Variants in SLC13A2 observed in about 807,000 individuals in gnomAD.
SLC13A2 encodes Na(+)-coupled citrate transporter.
Under a neutral mutation model 58.5 loss-of-function variants are expected in SLC13A2, and 40 were observed. The ratio of observed to expected loss-of-function variants is 0.68; its 90% CI spans 0.53 to 0.89. The LOEUF (loss-of-function observed/expected upper bound fraction) is 0.89. Ranked by LOEUF, SLC13A2 falls within the 40% of genes least tolerant of loss-of-function variation. The pLI is 0.00. For missense variants in SLC13A2, 694 were observed against 772.6 expected, an observed-to-expected ratio of 0.90 and a Z score of 1.21; for synonymous variants, 341 against 331.6, an observed-to-expected ratio of 1.03 and a Z score of -0.31.
Position 28,493,576 on chromosome 17 carries a change from G to T in SLC13A2, c.884G>T (p.Arg295Leu). The change falls in exon 7 of 12, where the codon CGG (arginine) becomes CTG (leucine). Residue 295 changes from arginine (R) to leucine (L), a missense_variant. Coordinates refer to ENST00000314669, the MANE Select transcript of SLC13A2 (RefSeq NM_003984.4). ...LQILFLGFNF[R>L]KNFGIGEKMQ... The stretch of plus-strand genomic sequence containing the variant: ...CCCCGTCCCTCTGCCTGCAGCTTCC[G>T]GAAGAACTTTGGCATTGGGGAAAAG... 6.2e-7 allele frequency: 1 copy of T among 1,602,212 alleles called. No individual in the cohort carries two copies. The highest frequency in any genetic ancestry group is 8.5e-7 in the Non-Finnish European group (1 of 1,171,222).
rs1370412198 is a variant in SLC13A2, at chr17:28,496,771, C to T, written c.1608+184C>T. 6.6e-6 allele frequency among the ~76,000 whole-genome samples: 1 copy of T among 152,166 alleles called. No individual in the cohort carries two copies. Among genetic ancestry groups the T allele is most frequent in the Non-Finnish European group, 1.5e-5 (1 of 68,024 alleles). ...TCAGTGGTGGCATCTTCAGGCCCTG[C>T]CAGCCCCAGGCTATGTGAGAGGGAG... is the stretch of plus-strand genomic sequence containing the variant. On this transcript the variant is annotated intron_variant, in intron 11 of 11. Transcript: ENST00000314669. The surrounding 1 kb of genome is among the most constrained non-coding windows in gnomAD (Gnocchi z 4.2).
In SLC13A2 at chr17:28,496,957, A is replaced by G. The variant is rs2069156632; in HGVS notation, c.1609-142A>G. 1.2e-6 allele frequency: 1 copy of G among 804,748 alleles called. No individual in the cohort carries two copies. The highest frequency in any genetic ancestry group is 2.0e-6 in the Non-Finnish European group (1 of 499,706). 49.9% of individuals were successfully genotyped at this position (804,748 alleles called of 1,614,324 possible). A position where few individuals can be genotyped will look rare whatever the true frequency, so the allele number is the denominator to read the frequency against. On this transcript the variant is annotated intron_variant, in intron 11 of 11. Coordinates refer to ENST00000314669, the MANE Select transcript of SLC13A2 (RefSeq NM_003984.4). The surrounding 1 kb of genome is among the most constrained non-coding windows in gnomAD (Gnocchi z 4.2). The stretch of plus-strand genomic sequence containing the variant: ...AAAGCAAGGGGCAAAGGCATTGGCT[A>G]TGCTGCAGGTTAGACCAACGGGAGG...
rs1555604548 is a variant in SLC13A2, at chr17:28,495,810, C to T, written c.1464C>T (p.Ala488=). 1 of 1,612,472 alleles carries T rather than the reference C, an allele frequency of 6.2e-7. No homozygotes were observed. Among genetic ancestry groups the T allele is most frequent in the East Asian group, 2.2e-5 (1 of 44,852 alleles). ...CTACGATCTTCCTGCCCATCCTAGC[C>T]TCCATGGTGAGCTGGCCCTCAGAAA... ...ATTTIFLPIL[A]SMAQAICLHP... Residue 488 remains alanine, a synonymous_variant, in exon 10 of 12, where the codon GCC becomes GCT. Transcript: ENST00000314669.
intron 1 of SLC13A2, among the ~76,000 whole-genome samples, chr17:28,477,545 T>C (rs540253721): frequency 1.3e-5 from 2 of 152,242 alleles, no homozygotes; most frequent in African/African-American, 4.8e-5. Context: ...CAGTGGATCC[T>C]GACCTGCATC....
chr17:28,494,034 C>G lies in SLC13A2; in HGVS notation c.1115C>G (p.Thr372Arg), dbSNP rs868925091. 1.9e-6 allele frequency: 3 copies of G among 1,614,064 alleles called. No homozygotes were observed. The highest frequency in any genetic ancestry group is 1.7e-5 in the Admixed American group (1 of 60,020). The change falls in exon 8 of 12, where the codon ACA (threonine) becomes AGA (arginine). Residue 372 changes from threonine to arginine, a missense_variant. Physicochemically the swap from Thr to Arg is moderately conservative, Grantham distance 71 (BLOSUM62 -1). Transcript: ENST00000314669. This position sits in a 1 kb window ranked among gnomAD's most constrained non-coding sequence, Gnocchi z 4.0. ...ACCAACAGCATGGTGTCCGATGGGA[C>G]AGTGGCCATCTTCATCGGCATAATT... ...AKGESMVSDG[T>R]VAIFIGIIMF... is the part of the protein sequence containing the mutation.
intron 11 of SLC13A2, 51 bp from the exon 12 acceptor site, chr17:28,497,048 G>A: frequency 6.3e-7 from 1 of 1,581,624 alleles, no homozygotes; most frequent in Non-Finnish European, 8.6e-7. Context: ...GGGGACTTGG[G>A]GGCAGTCCAG....
intron 1 of SLC13A2, among the ~76,000 whole-genome samples, chr17:28,476,217 TC>T (rs2068667613): frequency 1.3e-5 from 2 of 152,034 alleles, no homozygotes; most frequent in Admixed American, 1.3e-4. Flanking sequence ...ATGGAGTCAC[TC>T]CCCGCCCTCG....
intron 6 of SLC13A2, among the ~76,000 whole-genome samples, chr17:28,493,010 T>C (rs2069059182): frequency 6.6e-6 from 1 of 151,830 alleles, no homozygotes; most frequent in South Asian, 2.1e-4. Flanking sequence ...CACAGGGGAG[T>C]CAAAGATGTG....
At position 28,490,587 on chromosome 17, in the gene SLC13A2, C is replaced by A; in HGVS notation, c.365C>A (p.Ala122Asp). 1.3e-6 allele frequency: 2 copies of A among 1,596,576 alleles called. No individual in the cohort carries two copies. Among genetic ancestry groups the A allele is most frequent in the Non-Finnish European group, 8.6e-7 (1 of 1,167,744 alleles). ...RVLLIVGVRPAPLILGFMLVT... is the reference protein window; with the variant it reads ...RVLLIVGVRPDPLILGFMLVT... ...CTCCTCATCGTTGGGGTGCGGCCTG[C>A]CCCGTGAGTTCCTCCTGCAAACCAG... The change falls in exon 3 of 12, where the codon GCC becomes GAC. Residue 122 changes from alanine (A) to aspartate (D), a missense_variant. By Grantham distance (126) the Ala-to-Asp change is moderately radical (BLOSUM62 -2). Coordinates refer to ENST00000314669, the MANE Select transcript of SLC13A2 (RefSeq NM_003984.4).
chr17:28,494,091 T>G lies in SLC13A2; in HGVS notation c.1172T>G (p.Leu391Arg). The G allele has an allele frequency of 6.2e-7, 1 of 1,614,124 alleles. No individual in the cohort carries two copies. The highest frequency in any genetic ancestry group is 8.5e-7 in the Non-Finnish European group (1 of 1,179,990). ...MFIIPSKFPG[L>R]TQDPENPGKL... ...ATCATACCCTCCAAGTTCCCAGGGC[T>G]GACCCAGGACCCAGGTAAGCACCTG... is the stretch of plus-strand genomic sequence containing the variant. The change falls in exon 8 of 12, where the codon CTG becomes CGG. Residue 391 changes from leucine (L) to arginine (R), a missense_variant. By Grantham distance (102) the Leu-to-Arg change is moderately radical. Coordinates refer to ENST00000314669, the MANE Select transcript of SLC13A2 (RefSeq NM_003984.4). This position sits in a 1 kb window ranked among gnomAD's most constrained non-coding sequence, Gnocchi z 4.0.
intron 1 of SLC13A2, among the ~76,000 whole-genome samples, chr17:28,477,333 A>C (rs1238195741): frequency 2.0e-5 from 3 of 151,286 alleles, no homozygotes; most frequent in African/African-American, 2.4e-5. Context: ...AGCTGGGACT[A>C]CAGTCACCTG....
rs565736951 is a variant in SLC13A2 at position 28,494,617 on chromosome 17, G to T, written c.1308+105G>T. ...CACAGAGGGGAGACCTGGTCCCCACGTAGGAGCCTCTCGGGTAGGCAGAGC... is the reference window on the plus strand; with the variant it reads ...CACAGAGGGGAGACCTGGTCCCCACTTAGGAGCCTCTCGGGTAGGCAGAGC... On this transcript the variant is annotated intron_variant, in intron 9 of 11. Coordinates refer to ENST00000314669, the MANE Select transcript of SLC13A2 (RefSeq NM_003984.4). The surrounding 1 kb of genome is among the most constrained non-coding windows in gnomAD (Gnocchi z 4.0). 6 of 1,511,824 alleles carry T rather than the reference G, an allele frequency of 4.0e-6. No individual in the cohort carries two copies. Among genetic ancestry groups the T allele is most frequent in the Non-Finnish European group, 5.4e-6 (6 of 1,116,500 alleles). 93.7% of individuals were successfully genotyped at this position (1,511,824 alleles called of 1,614,324 possible).
chr17:28,490,813 A>G lies in SLC13A2; in HGVS notation c.481A>G (p.Ser161Gly). Residue 161 changes from serine (S) to glycine (G), a missense_variant, in exon 4 of 12, where the codon AGC (serine) becomes GGC (glycine). Coordinates refer to ENST00000314669, the MANE Select transcript of SLC13A2 (RefSeq NM_003984.4). ...ACATGCCGTCCTGGACCAGCTGCACAGCTCGCAAGCCAGCAGCAACGTCGA... is the reference window on the plus strand; with the variant it reads ...ACATGCCGTCCTGGACCAGCTGCACGGCTCGCAAGCCAGCAGCAACGTCGA... ...IAHAVLDQLH[S>G]SQASSNVEEG... 1 of 1,613,996 alleles carries G rather than the reference A, an allele frequency of 6.2e-7. No homozygotes were observed. Among genetic ancestry groups the G allele is most frequent in the Non-Finnish European group, 8.5e-7 (1 of 1,179,972 alleles).
intron 1 of SLC13A2, among the ~76,000 whole-genome samples, chr17:28,484,100 A>C (rs1280138736): frequency 6.6e-6 from 1 of 152,242 alleles, no homozygotes; most frequent in Non-Finnish European, 1.5e-5. Flanking sequence ...AATAGATGCC[A>C]GGCACCTCGC....
At chr17:28,488,375 C>T (rs2068927462) in intron 1 of SLC13A2, among the ~76,000 whole-genome samples, 1 of 152,200 alleles carries the variant, frequency 6.6e-6, no homozygotes, top group Non-Finnish European at 1.5e-5. Context: ...TGCCCGGCCC[C>T]TGGAGAGGGG....
intron 1 of SLC13A2, among the ~76,000 whole-genome samples, chr17:28,477,631 G>A (rs2068712072): frequency 6.6e-6 from 1 of 152,234 alleles, no homozygotes; most frequent in African/African-American, 2.4e-5. Context: ...GGGGAAGAAG[G>A]AGCCCCAGCC....
chr17:28,475,293 C>T (rs144943628), intron 1 of SLC13A2, among the ~76,000 whole-genome samples: 123 of 152,322 alleles, frequency 8.1e-4, no homozygotes, highest in African/African-American at 2.7e-3. Flanking sequence ...CTTCTGTGCA[C>T]CGTATCTGGC....
intron 1 of SLC13A2, among the ~76,000 whole-genome samples, chr17:28,478,970 C>T (rs1353060281): frequency 6.6e-6 from 1 of 152,160 alleles, no homozygotes; most frequent in Admixed American, 6.5e-5. Flanking sequence ...GGTGTTCCAA[C>T]ACTCTGGGAG....
Position 28,477,294 on chromosome 17 carries a change from T to C in SLC13A2, c.102+3480T>C, listed in dbSNP as rs377563437. Among the ~76,000 whole-genome samples the C allele has an allele frequency of 3.5e-3, 519 of 147,010 alleles. 4 individuals carry two copies. The highest frequency in any genetic ancestry group is 0.012 in the African/African-American group (471 of 39,800). ...CTGCAAGCTCCGCCTCCCAGGTTCA[T>C]GCCATTCTCCTGCCTTAGCCTCCCG... On this transcript the variant is annotated intron_variant, in intron 1 of 11. Transcript: ENST00000314669.
Sources: gnomAD v4.1 joint callset for allele counts (sites outside exome capture counted in the v4.1 genomes callset) on GRCh38, gnomAD v4.1.1 for gene constraint, Gnocchi (gnomAD v3.1) non-coding constraint, MANE v1.5 for transcripts, NCBI Gene and HGNC (gene_info 2026-07-23, HGNC 2026-07-21) for gene names.